CCDC7: variants seen among roughly 807,000 people sequenced by gnomAD.
CCDC7 encodes the protein coiled-coil domain containing 7, also known as coiled-coil domain-containing protein 7.
CCDC7 carries 183 observed loss-of-function variants against 196.9 expected under a neutral mutation model. The ratio of observed to expected loss-of-function variants is 0.93; its 90% CI spans 0.82 to 1.05. The LOEUF is 1.05. Among genes scored for constraint, CCDC7 ranks in the 50% least tolerant of loss-of-function variants. The probability of loss-of-function intolerance (pLI) is 0.00; values close to 1 mark genes in which losing one functional copy is unlikely to be tolerated. For synonymous variants in CCDC7, 525 were observed against 484.6 expected (o/e 1.08, Z -1.10); for missense variants, 1,540 against 1,482.2 (o/e 1.04, Z -0.64).
chr10:32,807,581 G>A (rs75208742), intron 30 of CCDC7, among the ~76,000 whole-genome samples: 1 of 152,086 alleles, frequency 6.6e-6, no homozygotes, highest in African/African-American at 2.4e-5. Context: ...GAAAGGGAAA[G>A]GAGGCAGCTG....
intron 9 of CCDC7, 41 bp from the exon 11 acceptor site, chr10:32,517,904 A>T: frequency 6.4e-7 from 1 of 1,564,910 alleles, no homozygotes; most frequent in South Asian, 1.2e-5. Context: ...TAAAATATAA[A>T]TGTACAATTA....
At chr10:32,644,137 A>G (rs762849546) in intron 20 of CCDC7, among the ~76,000 whole-genome samples, 2 of 152,194 alleles carry the variant, frequency 1.3e-5, no homozygotes, top group Admixed American at 1.3e-4. Flanking sequence ...TATACATAGT[A>G]TAATGATTGA....
intron 24 of CCDC7, among the ~76,000 whole-genome samples, chr10:32,701,818 G>A (rs1273772580): frequency 6.6e-6 from 1 of 152,112 alleles, no homozygotes; most frequent in African/African-American, 2.4e-5. Flanking sequence ...GGTGTTTATA[G>A]TATTCTCTGA....
chr10:32,573,432 T>G (rs1333223), intron 16 of CCDC7, among the ~76,000 whole-genome samples: 52,401 of 152,080 alleles, frequency 0.34, 11,467 homozygotes, highest in Non-Finnish European at 0.5. Flanking sequence ...AAAAAGCATT[T>G]TAAAGAGAGT....
At chr10:32,763,122 A>G (rs1258439564) in intron 28 of CCDC7, among the ~76,000 whole-genome samples, 2 of 152,010 alleles carry the variant, frequency 1.3e-5, no homozygotes, top group African/African-American at 4.8e-5. Context: ...TTAGGTAAGC[A>G]GTTGATATTC....
chr10:32,457,657 A>G lies in CCDC7; in HGVS notation c.456+1323A>G, dbSNP rs190837178. ...GTTTAAATTTCCACCAAAAGTGTAT[A>G]TATGTTCCCTTTTCTCTGCATCCTT... On this transcript the variant is annotated intron_variant, in intron 3 of 41. Transcript: ENST00000639629. 7.9e-3 allele frequency among the ~76,000 whole-genome samples: 1,203 copies of G among 152,218 alleles called. 7 individuals carry two copies. Among genetic ancestry groups the G allele is most frequent in the Middle Eastern group, 0.02 (6 of 294 alleles).
intron 18 of CCDC7, among the ~76,000 whole-genome samples, chr10:32,594,352 T>A (rs924583553): frequency 2.0e-5 from 3 of 152,186 alleles, no homozygotes; most frequent in Non-Finnish European, 4.4e-5. Context: ...TCCCTGTTTG[T>A]CTGTTATTGG....
chr10:32,634,701 A>G (rs1229634922), intron 19 of CCDC7, among the ~76,000 whole-genome samples: 1 of 152,150 alleles, frequency 6.6e-6, no homozygotes, highest in Non-Finnish European at 1.5e-5. Flanking sequence ...GGCCCTTCAC[A>G]CTATTTTAAG....
Position 32,598,300 on chromosome 10 carries a change from G to A in CCDC7, c.1801+13996G>A, listed in dbSNP as rs139571787. On this transcript the variant is annotated intron_variant, in intron 18 of 41. Transcript: ENST00000639629. Reference sequence around the variant, plus strand: ...AGGCTCTATAGATGTGGGACCCTCCGAGTCAGGCACGGGATATAATCTCCT... The same window carrying A: ...AGGCTCTATAGATGTGGGACCCTCCAAGTCAGGCACGGGATATAATCTCCT... Among the ~76,000 whole-genome samples, 406 of 152,318 alleles carry A rather than the reference G, an allele frequency of 2.7e-3. 1 individual carries two copies. The highest frequency in any genetic ancestry group is 4.8e-3 in the Non-Finnish European group (329 of 68,018).
At chr10:32,561,948 A>G (rs1344602574) in intron 13 of CCDC7, among the ~76,000 whole-genome samples, 2 of 152,218 alleles carry the variant, frequency 1.3e-5, no homozygotes, top group African/African-American at 4.8e-5. Flanking sequence ...AATAGACGCA[A>G]TAAAAAATGA....
intron 16 of CCDC7, among the ~76,000 whole-genome samples, chr10:32,581,465 C>T (rs2058724388): frequency 2.0e-5 from 3 of 151,972 alleles, no homozygotes. Flanking sequence ...CTTTCTCTTC[C>T]TCCTCCTCCT....
At chr10:32,712,610 T>C (rs1388444235) in intron 25 of CCDC7, among the ~76,000 whole-genome samples, 2 of 152,190 alleles carry the variant, frequency 1.3e-5, no homozygotes, top group African/African-American at 4.8e-5. Flanking sequence ...ATACAGATAG[T>C]TGGGGAATTT....
At chr10:32,845,772 C>CAA in intron 35 of CCDC7, 104 bp from the exon 37 acceptor site, 1 of 727,674 alleles carries the variant, frequency 1.4e-6, no homozygotes, top group Non-Finnish European at 2.2e-6. Context: ...CATAATTACA[C>CAA]ACACACACAC....
chr10:32,490,246 T>C lies in CCDC7; in HGVS notation c.797-1676T>C, dbSNP rs560606758. The stretch of plus-strand genomic sequence containing the variant: ...GCCCTACCAAGGCCACTTTCATCCA[T>C]GGATAGCTGTCTAGTGGTTGTTTCT... On this transcript the variant is annotated intron_variant, in intron 8 of 41. Transcript: ENST00000639629. Among the ~76,000 whole-genome samples, 7 of 152,354 alleles carry C rather than the reference T, an allele frequency of 4.6e-5. No individual in the cohort carries two copies. The East Asian group carries it at 5.8e-4, about 13-fold the overall frequency.
intron 24 of CCDC7, among the ~76,000 whole-genome samples, chr10:32,704,151 T>C (rs2079272817): frequency 6.6e-6 from 1 of 152,088 alleles, no homozygotes; most frequent in South Asian, 2.1e-4. Flanking sequence ...TTATCTACCT[T>C]TGGTATTTGA....
intron 33 of CCDC7, among the ~76,000 whole-genome samples, chr10:32,841,973 T>C (rs551312212): frequency 1.3e-5 from 2 of 151,982 alleles, no homozygotes; most frequent in South Asian, 2.1e-4. Flanking sequence ...CAAAGATAAA[T>C]CTAAGTCTTG....
chr10:32,639,656 C>G (rs2066348487), intron 20 of CCDC7, among the ~76,000 whole-genome samples: 1 of 143,512 alleles, frequency 7.0e-6, no homozygotes, highest in Non-Finnish European at 1.5e-5. Context: ...GAGATGGAGT[C>G]TAGCTTTGTC....
intron 29 of CCDC7, among the ~76,000 whole-genome samples, chr10:32,786,175 CA>C (rs1404768372): frequency 5.8e-4 from 89 of 152,266 alleles, no homozygotes; most frequent in African/African-American, 1.9e-3. Context: ...TAACAGATTT[CA>C]GTGGTAACAC....
intron 18 of CCDC7, among the ~76,000 whole-genome samples, chr10:32,586,941 T>C (rs537958262): frequency 2.6e-4 from 39 of 152,340 alleles, no homozygotes; most frequent in African/African-American, 8.4e-4. Context: ...ATGCCTCTGT[T>C]TGACCTGTGA....
Sources: gnomAD v4.1 joint callset for allele counts (sites outside exome capture counted in the v4.1 genomes callset) on GRCh38, gnomAD v4.1.1 for gene constraint, MANE v1.5 for transcripts, NCBI Gene and HGNC (gene_info 2026-07-23, HGNC 2026-07-21) for gene names.